DNPEP: variants seen among roughly 807,000 people sequenced by gnomAD.
DNPEP encodes aspartyl aminopeptidase.
Under a neutral mutation model 59.1 loss-of-function variants are expected in DNPEP, and 46 were observed. The ratio of observed to expected loss-of-function variants is 0.78; its 90% confidence interval spans 0.61 to 0.99. The LOEUF (loss-of-function observed/expected upper bound fraction) is 0.99, where lower values mean the gene tolerates loss of function less well. Ranked by LOEUF, DNPEP falls within the 50% of genes least tolerant of loss-of-function variation. The pLI is 0.00. For synonymous variants in DNPEP, 229 were observed against 242.2 expected, an observed-to-expected ratio of 0.95 and a Z score of 0.50; for missense variants, 617 against 649.9, an observed-to-expected ratio of 0.95 and a Z score of 0.55.
chr2:219,379,919 A>AAAAT lies in DNPEP; in HGVS notation c.1239+1412_1239+1415dup, dbSNP rs59629509. On this transcript the variant is annotated intron_variant, in intron 13 of 14. Coordinates refer to ENST00000273075, the MANE Select transcript of DNPEP (RefSeq NM_012100.4). ...GGTGACAGAGTGAGACTCCATCTCA[A>AAAAT]AAATAAATAAATAAATAAATAAATA... Among the ~76,000 whole-genome samples the AAAAT allele has an allele frequency of 1.0e-3, 155 of 149,528 alleles. 2 individuals carry two copies. The highest frequency in any genetic ancestry group is 3.4e-3 in the Middle Eastern group (1 of 292).
At position 219,396,921 on chromosome 2, in the gene DNPEP, C is replaced by T. The variant is rs771753841; in HGVS notation, c.-158+3019G>A. Among the ~76,000 whole-genome samples, 363 of 152,172 alleles carry T rather than the reference C, an allele frequency of 2.4e-3. 7 individuals carry two copies. Among genetic ancestry groups the T allele is most frequent in the Non-Finnish European group, 3.4e-4 (23 of 68,008 alleles). On this transcript the variant is annotated intron_variant, in intron 1 of 6. Transcript: ENST00000434339. ...CAAATAAAAAGGTTTTCAGAATGGC[C>T]CTCAAAGGAAAACCAACTGCTCCTG... is the stretch of plus-strand genomic sequence containing the variant.
In DNPEP at chr2:219,387,758, C is replaced by T. The variant is rs1370929201; in HGVS notation, c.36+1G>A. The T allele has an allele frequency of 6.2e-7, 1 of 1,607,030 alleles. No individual in the cohort carries two copies. The highest frequency in any genetic ancestry group is 8.5e-7 in the Non-Finnish European group (1 of 1,177,478). The stretch of plus-strand genomic sequence containing the variant: ...AAGTGGGGCCGTCGGGAGCCACTTA[C>T]CTGCATGGCCCCGCGCGTGGGGCTG... On this transcript the variant is annotated splice_donor_variant, in intron 1 of 14. Transcript: ENST00000273075. LOFTEE classifies it high-confidence loss of function.
At chr2:219,374,463 G>A in intron 14 of DNPEP, 121 bp from the exon 15 acceptor site, 1 of 886,224 alleles carries the variant, frequency 1.1e-6, no homozygotes. Flanking sequence ...ATCTGTTCTT[G>A]ACAGCCACCC....
chr2:219,380,363 A>G (rs1232247321), intron 13 of DNPEP, among the ~76,000 whole-genome samples: 1 of 151,794 alleles, frequency 6.6e-6, no homozygotes, highest in Non-Finnish European at 1.5e-5. Context: ...CTGGGACTAC[A>G]GGCATGCACC....
chr2:219,385,799 C>T (rs1166360046), intron 6 of DNPEP, 93 bp from the exon 7 acceptor site: 1 of 1,401,142 alleles, frequency 7.1e-7, no homozygotes, highest in African/African-American at 1.4e-5. Flanking sequence ...GGGCAACTGC[C>T]TCTGCCCTTC....
At chr2:219,390,327 A>G (rs988126796), upstream of DNPEP, among the ~76,000 whole-genome samples, 2 of 152,246 alleles carry the variant, frequency 1.3e-5, no homozygotes, top group Non-Finnish European at 2.9e-5. Flanking sequence ...TAAACGATCA[A>G]GCTATTATTA....
intron 13 of DNPEP, 103 bp from the exon 14 acceptor site, chr2:219,375,125 G>A: frequency 1.6e-6 from 2 of 1,224,638 alleles, no homozygotes; most frequent in Non-Finnish European, 2.3e-6. Context: ...CCTGGGAGAT[G>A]GTCCATTCGG....
At chr2:219,385,877 T>G in intron 6 of DNPEP, 91 bp downstream of exon 6, 1 of 1,545,580 alleles carries the variant, frequency 6.5e-7, no homozygotes, top group Non-Finnish European at 8.8e-7. Flanking sequence ...GTCCCAAGAG[T>G]AAAATGTGAC....
At chr2:219,385,366 AGGGGTGGCCAGGAT>A (rs756949510) in intron 8 of DNPEP, 44 bp downstream of exon 8, 540 of 1,203,260 alleles carry the variant, frequency 4.5e-4, no homozygotes, top group Non-Finnish European at 6.2e-4. Context: ...AGGACGGGCT[AGGGGTGGCCAGGAT>A]CCTGGAGGCC....
chr2:219,397,342 A>G (rs1430535688), intron 1 of DNPEP, among the ~76,000 whole-genome samples: 1 of 151,502 alleles, frequency 6.6e-6, no homozygotes, highest in African/African-American at 2.4e-5. Flanking sequence ...TTTTTCTTCC[A>G]GAGAGCTAAT....
intron 13 of DNPEP, among the ~76,000 whole-genome samples, chr2:219,379,197 A>C (rs2125129942): frequency 6.6e-6 from 1 of 152,258 alleles, no homozygotes. Flanking sequence ...GATTACAGGC[A>C]TGAGCCACGA....
intron 11 of DNPEP, 128 bp from the exon 12 acceptor site, chr2:219,381,712 G>A (rs1173063492): frequency 1.8e-6 from 2 of 1,133,400 alleles, no homozygotes; most frequent in Admixed American, 1.7e-5. Context: ...GGACTTCAGA[G>A]TCATTCCACA....
At chr2:219,385,848 AC>A in intron 6 of DNPEP, 119 bp downstream of exon 6, 1 of 1,475,082 alleles carries the variant, frequency 6.8e-7, no homozygotes, top group East Asian at 2.4e-5. Flanking sequence ...GGCTGTGAGG[AC>A]CCTTAGAAAT....
chr2:219,375,056 A>C, intron 13 of DNPEP, 34 bp from the exon 14 acceptor site: 1 of 1,610,188 alleles, frequency 6.2e-7, no homozygotes, highest in Non-Finnish European at 8.5e-7. Context: ...AGCAACATGC[A>C]GTGTGTGCTT....
upstream of DNPEP, among the ~76,000 whole-genome samples, chr2:219,392,787 C>T (rs1954039104): frequency 6.6e-6 from 1 of 152,118 alleles, no homozygotes; most frequent in African/African-American, 2.4e-5. Context: ...TGGGATTACA[C>T]GTGTGAACCA....
chr2:219,386,879 C>T lies in DNPEP; in HGVS notation c.219+13G>A, dbSNP rs966038302. The T allele has an allele frequency of 2.0e-5, 32 of 1,610,430 alleles. No individual in the cohort carries two copies. Among genetic ancestry groups the T allele is most frequent in the African/African-American group, 1.9e-4 (14 of 74,800 alleles). ...AGGGACCTGCCTTTCCACCCCCACC[C>T]CACCCCCAGTACCTTGCTCTCGGGC... On this transcript the variant is annotated intron_variant, in intron 3 of 14. Coordinates refer to ENST00000273075, the MANE Select transcript of DNPEP (RefSeq NM_012100.4).
At position 219,382,106 on chromosome 2, in the gene DNPEP, G is replaced by A. The variant is rs1286480291; in HGVS notation, c.970C>T (p.Leu324=). The A allele has an allele frequency of 6.2e-7, 1 of 1,613,066 alleles. No homozygotes were observed. Among genetic ancestry groups the A allele is most frequent in the Middle Eastern group, 1.7e-4 (1 of 6,060 alleles). The change falls in exon 11 of 15, where the codon CTG becomes TTG. Residue 324 remains leucine (L), a synonymous_variant. Transcript: ENST00000273075. ...GSESAQGAQS[L]LTELVLRRIS... The stretch of plus-strand genomic sequence containing the variant: ...CGCCGCAGCACCAGCTCTGTCAGCA[G>A]TGACTGTGCTCCCTGTGCACTCTCA...
At chr2:219,389,832 C>CAATCAATAAATAAATAAATAAATAAATA (rs1553601737), upstream of DNPEP, among the ~76,000 whole-genome samples, 1 of 142,938 alleles carries the variant, frequency 7.0e-6, no homozygotes, top group East Asian at 2.1e-4. Context: ...GATTCTGTCT[C>CAATCAATAAATAAATAAATAAATAAATA]AATAAATAAA....
chr2:219,382,181 G>A, intron 10 of DNPEP, 42 bp from the exon 11 acceptor site: 10 of 1,586,586 alleles, frequency 6.3e-6, no homozygotes, highest in Non-Finnish European at 8.6e-6. Flanking sequence ...CTGGGCTTAG[G>A]GGCCTGATCT....
Sources: gnomAD v4.1 joint callset for allele counts (sites outside exome capture counted in the v4.1 genomes callset) on GRCh38, gnomAD v4.1.1 for gene constraint, MANE v1.5 for transcripts, NCBI Gene and HGNC (gene_info 2026-07-23, HGNC 2026-07-21) for gene names.